The following CCDC171 variants were observed in gnomAD, a reference collection of about 807,000 sequenced individuals.
The protein encoded by CCDC171 is coiled-coil domain containing 171.
In CCDC171, 177 loss-of-function variants were observed where a neutral mutation model predicts 168.2. That is an observed-to-expected ratio of 1.05 (90% confidence interval 0.93 to 1.19). The LOEUF is 1.19. CCDC171 is among the 50% of genes most tolerant of loss of function. The pLI, the probability that CCDC171 is intolerant of heterozygous loss-of-function variation, is 0.00. For missense variants in CCDC171, 1,991 were observed against 1,539.0 expected (o/e 1.29, Z -4.91); for synonymous variants, 687 against 540.8 (o/e 1.27, Z -3.75).
chr9:15,998,320 T>A (rs1238898473), intron 3 of CCDC171, among the ~76,000 whole-genome samples: 1 of 152,322 alleles, frequency 6.6e-6, no homozygotes, highest in East Asian at 1.9e-4. Context: ...ATTCTGTCAC[T>A]CTGTTAGGCT....
rs1477582798 is a variant in CCDC171 at position 15,821,408 on chromosome 9, C to T, written c.3268-25294C>T. ...CAGGACGTCAAATTGTCCCTGTTTG[C>T]AGATCACATGATTGTATATCTAGAA... is the stretch of plus-strand genomic sequence containing the variant. On this transcript the variant is annotated intron_variant, in intron 21 of 25. Coordinates refer to ENST00000380701, the MANE Select transcript of CCDC171 (RefSeq NM_173550.4). 4.3e-5 allele frequency among the ~76,000 whole-genome samples: 5 copies of T among 117,456 alleles called. 2 individuals are homozygous for T. Among genetic ancestry groups the T allele is most frequent in the African/African-American group, 1.6e-4 (5 of 31,200 alleles). 77.1% of individuals were successfully genotyped at this position (117,456 alleles called of 152,430 possible).
intron 25 of CCDC171, among the ~76,000 whole-genome samples, chr9:15,944,887 T>TCTTTCTTTCTTTCTTTC (rs1564040765): frequency 6.7e-6 from 1 of 150,270 alleles, no homozygotes; most frequent in Non-Finnish European, 1.5e-5. Flanking sequence ...TTTCTTTCTT[T>TCTTTCTTTCTTTCTTTC]TTTATCATTA....
chr9:15,729,517 A>G (rs1297252467), intron 15 of CCDC171, 93 bp from the exon 16 acceptor site: 1 of 675,212 alleles, frequency 1.5e-6, no homozygotes, highest in Non-Finnish European at 2.4e-6. Context: ...GGAATAAAAT[A>G]TAGTAGGACA....
At chr9:15,779,727 C>G (rs942375016) in intron 20 of CCDC171, among the ~76,000 whole-genome samples, 10 of 152,016 alleles carry the variant, frequency 6.6e-5, no homozygotes, top group African/African-American at 1.7e-4. Context: ...ATTGCTTTTC[C>G]AAAGAAATGT....
intron 24 of CCDC171, chr9:15,886,550 A>G (rs934195842): frequency 2.0e-5 from 3 of 152,200 alleles, no homozygotes; most frequent in African/African-American, 7.2e-5. Context: ...TATGGAAAAC[A>G]GTATGGAATT....
intron 10 of CCDC171, among the ~76,000 whole-genome samples, chr9:15,691,546 T>TATATATATATATA (rs1554762228): frequency 0.062 from 6,513 of 105,740 alleles, 388 homozygotes; most frequent in African/African-American, 0.071. Context: ...TATATGTTTT[T>TATATATATATATA]TATATATATA....
intron 21 of CCDC171, among the ~76,000 whole-genome samples, chr9:15,806,738 CT>C (rs2059098587): frequency 6.6e-6 from 1 of 151,694 alleles, no homozygotes; most frequent in Non-Finnish European, 1.5e-5. Flanking sequence ...CAGGGGTTCT[CT>C]GTATTTCTTG....
At chr9:15,606,911 C>T (rs771000539) in intron 6 of CCDC171, among the ~76,000 whole-genome samples, 1 of 152,172 alleles carries the variant, frequency 6.6e-6, no homozygotes, top group Admixed American at 6.5e-5. Flanking sequence ...TTCACACACA[C>T]AGACACACAT....
Position 15,748,664 on chromosome 9 carries a change from A to G in CCDC171, c.2671+3033A>G, listed in dbSNP as rs554748852. Among the ~76,000 whole-genome samples the G allele has an allele frequency of 6.7e-4, 102 of 152,338 alleles. 2 individuals carry two copies. Among genetic ancestry groups the G allele is most frequent in the Non-Finnish European group, 6.2e-4 (42 of 68,036 alleles). ...ACAGCCAGAAGAGAGTGGGGGGCCA[A>G]TATTCAACATTCTTAAAGAAAAGAA... On this transcript the variant is annotated intron_variant, in intron 18 of 25. Coordinates refer to ENST00000380701, the MANE Select transcript of CCDC171 (RefSeq NM_173550.4).
intron 7 of CCDC171, among the ~76,000 whole-genome samples, chr9:15,644,603 C>T (rs915408771): frequency 2.6e-5 from 4 of 152,234 alleles, no homozygotes; most frequent in African/African-American, 9.6e-5. Context: ...ATATCCCGCA[C>T]CTGGCTCGGA....
chr9:15,563,161 G>A (rs1436245589), intron 1 of CCDC171, among the ~76,000 whole-genome samples: 2 of 147,464 alleles, frequency 1.4e-5, no homozygotes, highest in South Asian at 2.1e-4. Flanking sequence ...TTTTTGACAC[G>A]GAGTTTCTCT....
At chr9:15,585,842 A>G (rs114379043) in intron 4 of CCDC171, among the ~76,000 whole-genome samples, 4,671 of 152,086 alleles carry the variant, frequency 0.031, 227 homozygotes, top group African/African-American at 0.11. Context: ...CAGGCATGGT[A>G]GTGCACGCCT....
At chr9:15,569,793 C>T (rs539508973) in intron 2 of CCDC171, among the ~76,000 whole-genome samples, 48 of 149,306 alleles carry the variant, frequency 3.2e-4, no homozygotes, top group South Asian at 1.3e-3. Context: ...CCAGCCTGGG[C>T]GACAGAGCGA....
intron 18 of CCDC171, among the ~76,000 whole-genome samples, chr9:15,766,161 C>T (rs1054252322): frequency 1.6e-4 from 24 of 152,120 alleles, no homozygotes; most frequent in African/African-American, 5.1e-4. Flanking sequence ...GCCTAGGTCA[C>T]TCTGTGTCAC....
chr9:15,899,747 A>G (rs1186295287), intron 24 of CCDC171, among the ~76,000 whole-genome samples: 1 of 152,020 alleles, frequency 6.6e-6, no homozygotes, highest in Non-Finnish European at 1.5e-5. Context: ...AGAGTTGTTT[A>G]TATATTCTAG....
At chr9:15,646,834 C>G (rs576000260) in intron 7 of CCDC171, among the ~76,000 whole-genome samples, 1 of 152,176 alleles carries the variant, frequency 6.6e-6, no homozygotes, top group Non-Finnish European at 1.5e-5. Flanking sequence ...CAACATTAGA[C>G]AGATCAACTG....
At chr9:16,068,363 G>A in the CCDC171 span, among the ~76,000 whole-genome samples, 4 of 152,002 alleles carry the variant, frequency 2.6e-5, no homozygotes, top group African/African-American at 4.8e-5. Context: ...AATCAATATC[G>A]TGAAAATGGC....
intron 11 of CCDC171, among the ~76,000 whole-genome samples, chr9:15,703,576 A>C (rs577513721): frequency 5.9e-5 from 9 of 152,210 alleles, no homozygotes; most frequent in Non-Finnish European, 1.3e-4. Flanking sequence ...CCATGTTGCC[A>C]CAAATGACAG....
At chr9:15,684,812 A>G (rs753824475) in intron 10 of CCDC171, among the ~76,000 whole-genome samples, 1 of 152,172 alleles carries the variant, frequency 6.6e-6, no homozygotes, top group Non-Finnish European at 1.5e-5. Flanking sequence ...CTCCTCTTTC[A>G]TAATACATTA....
Sources: allele counts gnomAD v4.1 joint callset (sites outside exome capture counted in the v4.1 genomes callset), GRCh38; gene constraint gnomAD v4.1.1; transcripts MANE v1.5; gene names NCBI Gene and HGNC (gene_info 2026-07-23, HGNC 2026-07-21).